Variants in MBOAT2 observed in about 807,000 individuals in gnomAD.
MBOAT2 encodes the protein membrane-bound glycerophospholipid O-acyltransferase 2.
In MBOAT2, 28 loss-of-function variants were observed where a neutral mutation model predicts 63.4. The ratio of observed to expected loss-of-function variants is 0.44; its 90% CI spans 0.33 to 0.61. The LOEUF (loss-of-function observed/expected upper bound fraction) is 0.61, where lower values mean the gene tolerates loss of function less well. Ranked by LOEUF, MBOAT2 falls within the 20% of genes least tolerant of loss-of-function variation. The pLI is 0.03. For synonymous variants in MBOAT2, 211 were observed against 215.6 expected, an observed-to-expected ratio of 0.98 and a Z score of 0.19; for missense variants, 470 against 605.8, an observed-to-expected ratio of 0.78 and a Z score of 2.35.
chr2:9,001,617 G>C (rs915345445), intron 1 of MBOAT2, among the ~76,000 whole-genome samples: 1 of 152,182 alleles, frequency 6.6e-6, no homozygotes, highest in Non-Finnish European at 1.5e-5. Flanking sequence ...ACCAACTTAA[G>C]ACCTTTAGCT....
chr2:8,908,534 G>T, intron 4 of MBOAT2, 87 bp downstream of exon 4: 2 of 690,878 alleles, frequency 2.9e-6, no homozygotes, highest in South Asian at 2.0e-5. Context: ...CTTTTCACTT[G>T]AACTACTAAA....
intron 3 of MBOAT2, among the ~76,000 whole-genome samples, chr2:8,933,059 T>C (rs1667435178): frequency 6.6e-6 from 1 of 152,158 alleles, no homozygotes; most frequent in South Asian, 2.1e-4. Flanking sequence ...AATTTTTATA[T>C]AAATGGCATG....
rs146567950 is a variant in MBOAT2 at position 8,964,411 on chromosome 2, T to G, written c.76-5769A>C. ...ACTCATCTTGTGTATTATATTTCATTGTGTTAATACCCAGAGTAGAACCTC... is the reference window on the plus strand; with the variant it reads ...ACTCATCTTGTGTATTATATTTCATGGTGTTAATACCCAGAGTAGAACCTC... On this transcript the variant is annotated intron_variant, in intron 1 of 12. Transcript: ENST00000305997. 2.5e-3 allele frequency among the ~76,000 whole-genome samples: 385 copies of G among 151,676 alleles called. 2 individuals carry two copies. The highest frequency in any genetic ancestry group is 0.014 in the Middle Eastern group (4 of 292).
chr2:8,914,503 C>A (rs777472569), intron 3 of MBOAT2, among the ~76,000 whole-genome samples: 7 of 147,208 alleles, frequency 4.8e-5, no homozygotes, highest in Non-Finnish European at 6.0e-5. Context: ...AAAAAAAAAA[C>A]AATGAAAGTG....
At position 8,868,692 on chromosome 2, in the gene MBOAT2, C is replaced by T. The variant is rs557339894; in HGVS notation, c.884-143G>A. 1.4e-5 allele frequency: 9 copies of T among 660,636 alleles called. 1 individual carries two copies. Among genetic ancestry groups the T allele is most frequent in the South Asian group, 6.3e-5 (3 of 47,982 alleles). The allele number at this position is 660,636 out of a possible 1,614,324, so 40.9% of individuals were successfully genotyped here. On this transcript the variant is annotated intron_variant, in intron 8 of 12. Transcript: ENST00000305997. ...CTGATTTTTAAGTCAGAAACAACAT[C>T]GCATACAATGAAAATAACATATCTA...
chr2:8,945,573 T>C (rs1198849534), intron 2 of MBOAT2, among the ~76,000 whole-genome samples: 1 of 152,172 alleles, frequency 6.6e-6, no homozygotes, highest in African/African-American at 2.4e-5. Context: ...AGATCATCTA[T>C]CTAGTCAGTA....
intron 1 of MBOAT2, among the ~76,000 whole-genome samples, chr2:8,977,557 T>C (rs1193752351): frequency 1.3e-5 from 2 of 152,150 alleles, no homozygotes; most frequent in African/African-American, 4.8e-5. Context: ...ACTTTCTCAG[T>C]TTAAGGAAGT....
chr2:8,957,888 A>T (rs1363658537), intron 2 of MBOAT2, among the ~76,000 whole-genome samples: 1 of 152,174 alleles, frequency 6.6e-6, no homozygotes, highest in Non-Finnish European at 1.5e-5. Flanking sequence ...CCTGTAACAA[A>T]CAGGAAGTAC....
chr2:8,917,334 A>C (rs1191221819), intron 3 of MBOAT2, among the ~76,000 whole-genome samples: 3 of 152,320 alleles, frequency 2.0e-5, no homozygotes, highest in South Asian at 4.1e-4. Flanking sequence ...AGGTTGAAAA[A>C]AATTTTCATA....
At chr2:8,983,165 T>G (rs2103341732) in intron 1 of MBOAT2, among the ~76,000 whole-genome samples, 1 of 152,126 alleles carries the variant, frequency 6.6e-6, no homozygotes, top group South Asian at 2.1e-4. Context: ...TTGATCCAAA[T>G]TATATGATAC....
intron 8 of MBOAT2, among the ~76,000 whole-genome samples, chr2:8,869,200 T>C (rs951538932): frequency 2.0e-4 from 30 of 149,784 alleles, no homozygotes; most frequent in African/African-American, 7.1e-4. Flanking sequence ...GTGCACATCA[T>C]CATGCCTATT....
intron 1 of MBOAT2, among the ~76,000 whole-genome samples, chr2:8,983,674 T>C (rs554211501): frequency 1.8e-4 from 27 of 152,158 alleles, no homozygotes; most frequent in South Asian, 8.3e-4. Context: ...AGTCTGAAGA[T>C]TGGATGATAG....
chr2:8,943,301 C>A, intron 2 of MBOAT2, 37 bp from the exon 3 acceptor site: 2 of 1,279,076 alleles, frequency 1.6e-6, no homozygotes, highest in Admixed American at 2.1e-5. Context: ...AGAGGGATGC[C>A]AAGTCACAAA....
At chr2:8,969,628 T>A (rs1043510392) in intron 1 of MBOAT2, among the ~76,000 whole-genome samples, 1 of 152,138 alleles carries the variant, frequency 6.6e-6, no homozygotes, top group African/African-American at 2.4e-5. Context: ...GAGACCCATC[T>A]CATGTGCAGA....
intron 1 of MBOAT2, among the ~76,000 whole-genome samples, chr2:8,972,575 A>G (rs1670526797): frequency 1.3e-5 from 2 of 152,358 alleles, no homozygotes; most frequent in South Asian, 4.1e-4. Flanking sequence ...ATCAGAGTGA[A>G]CAGGCAACCT....
At position 8,873,093 on chromosome 2, in the gene MBOAT2, T is replaced by C. The variant is rs1662450434; in HGVS notation, c.883+15A>G. ...TTCAACCAGACACAGGGAAATCTAT[T>C]TACATGTTACTTACCTAGCGTCCAT... On this transcript the variant is annotated intron_variant, in intron 8 of 12. Coordinates refer to ENST00000305997, the MANE Select transcript of MBOAT2 (RefSeq NM_138799.4). The C allele has an allele frequency of 1.2e-6, 2 of 1,609,894 alleles. No individual in the cohort carries two copies. Among genetic ancestry groups the C allele is most frequent in the Non-Finnish European group, 1.7e-6 (2 of 1,176,800 alleles).
At chr2:8,910,653 C>T (rs796345401) in intron 3 of MBOAT2, among the ~76,000 whole-genome samples, 12 of 152,200 alleles carry the variant, frequency 7.9e-5, no homozygotes, top group African/African-American at 2.9e-4. Context: ...TTTTTAAGAA[C>T]CCCAAGGGTG....
intron 1 of MBOAT2, among the ~76,000 whole-genome samples, chr2:8,968,467 A>G (rs1007941733): frequency 1.3e-5 from 2 of 152,270 alleles, no homozygotes; most frequent in African/African-American, 2.4e-5. Context: ...TAAAAATCAG[A>G]GTGTCTCTCC....
At chr2:8,914,686 A>G (rs1025935727) in intron 3 of MBOAT2, among the ~76,000 whole-genome samples, 4 of 152,166 alleles carry the variant, frequency 2.6e-5, no homozygotes, top group African/African-American at 9.7e-5. Context: ...TTACTTACCA[A>G]TATACCCCAA....
Sources: allele counts gnomAD v4.1 joint callset (sites outside exome capture counted in the v4.1 genomes callset), GRCh38; gene constraint gnomAD v4.1.1; transcripts MANE v1.5; gene names NCBI Gene and HGNC (gene_info 2026-07-23, HGNC 2026-07-21).